Variants in SCD5 observed in about 807,000 individuals in gnomAD.
SCD5 encodes stearoyl-CoA desaturase 5.
SCD5 carries 20 observed loss-of-function variants against 30.4 expected under a neutral mutation model. The observed-to-expected ratio is 0.66, with a 90% CI of 0.46 to 0.96. The LOEUF (loss-of-function observed/expected upper bound fraction) is 0.96, where lower values mean the gene tolerates loss of function less well. SCD5 is among the 40% of genes least tolerant of loss of function. The probability of loss-of-function intolerance (pLI) is 0.00; values close to 1 mark genes in which losing one functional copy is unlikely to be tolerated. For missense variants in SCD5, 381 were observed against 443.3 expected (o/e 0.86, Z 1.26); for synonymous variants, 173 against 176.4 (o/e 0.98, Z 0.16).
chr4:82,779,840 C>G (rs1017199530), intron 1 of SCD5, among the ~76,000 whole-genome samples: 9 of 152,346 alleles, frequency 5.9e-5, no homozygotes, highest in Admixed American at 2.6e-4. Context: ...TGCATTTGCA[C>G]TACAATAATG....
chr4:82,730,654 T>C (rs778961930), intron 1 of SCD5, among the ~76,000 whole-genome samples: 213 of 149,610 alleles, frequency 1.4e-3, no homozygotes, highest in African/African-American at 3.7e-3. Context: ...GGCGGGATCT[T>C]GGCTCACTGC....
At chr4:82,640,414 T>C (rs1173423624) in intron 3 of SCD5, among the ~76,000 whole-genome samples, 1 of 152,208 alleles carries the variant, frequency 6.6e-6, no homozygotes, top group Non-Finnish European at 1.5e-5. Flanking sequence ...ACTGTCCTCA[T>C]TCCAATGATG....
intron 1 of SCD5, among the ~76,000 whole-genome samples, chr4:82,789,407 T>C (rs1463042285): frequency 1.3e-5 from 2 of 152,170 alleles, no homozygotes; most frequent in Non-Finnish European, 2.9e-5. Flanking sequence ...GGTCAGCCTG[T>C]GGTTGAACTT....
At chr4:82,761,658 C>T (rs188612212) in intron 1 of SCD5, among the ~76,000 whole-genome samples, 1 of 152,064 alleles carries the variant, frequency 6.6e-6, no homozygotes, top group Admixed American at 6.5e-5. Flanking sequence ...TATACATGTG[C>T]CATGCTGGTG....
At position 82,699,172 on chromosome 4, in the gene SCD5, C is replaced by T. The variant is rs1451005587; in HGVS notation, c.363+6111G>A. Among the ~76,000 whole-genome samples the T allele has an allele frequency of 2.0e-5, 3 of 152,118 alleles. No individual in the cohort carries two copies. The East Asian group carries it at 5.8e-4, about 29-fold the overall frequency. On this transcript the variant is annotated intron_variant, in intron 2 of 4. Coordinates refer to ENST00000319540, the MANE Select transcript of SCD5 (RefSeq NM_001037582.3). ...CTGCCATCTATGGAAAAATTGCCTTCCATGAAACTGGTCCCTAGTGCCATA... is the reference window on the plus strand; with the variant it reads ...CTGCCATCTATGGAAAAATTGCCTTTCATGAAACTGGTCCCTAGTGCCATA...
At chr4:82,684,224 C>T (rs1365095535) in intron 2 of SCD5, among the ~76,000 whole-genome samples, 1 of 152,190 alleles carries the variant, frequency 6.6e-6, no homozygotes, top group African/African-American at 2.4e-5. Flanking sequence ...GAATGAAGCA[C>T]ATTCCAAATA....
intron 1 of SCD5, among the ~76,000 whole-genome samples, chr4:82,728,127 TA>T (rs1403752842): frequency 6.6e-6 from 1 of 151,932 alleles, no homozygotes; most frequent in Non-Finnish European, 1.5e-5. Flanking sequence ...TCTCTAAAAA[TA>T]ATAATAATAA....
At chr4:82,796,806 G>A (rs1237845560) in intron 1 of SCD5, among the ~76,000 whole-genome samples, 2 of 152,180 alleles carry the variant, frequency 1.3e-5, no homozygotes, top group African/African-American at 4.8e-5. Flanking sequence ...GGCAGTGTCG[G>A]AGTGTGTTGA....
In SCD5 at chr4:82,737,260, G is replaced by A. The variant is rs150974864; in HGVS notation, c.233-31847C>T. ...TTCTTATAATTACTAAGGAGGCTGA[G>A]TCCTCTTCCAAGGATTTGTTTTCTA... On this transcript the variant is annotated intron_variant, in intron 1 of 4. Coordinates refer to ENST00000319540, the MANE Select transcript of SCD5 (RefSeq NM_001037582.3). Among the ~76,000 whole-genome samples the A allele has an allele frequency of 2.8e-3, 429 of 152,314 alleles. 2 individuals are homozygous for A. The highest frequency in any genetic ancestry group is 9.9e-3 in the African/African-American group (410 of 41,556).
intron 3 of SCD5, among the ~76,000 whole-genome samples, chr4:82,651,803 C>T (rs1727761074): frequency 6.6e-6 from 1 of 152,104 alleles, no homozygotes; most frequent in Non-Finnish European, 1.5e-5. Context: ...GTCCTAGCTA[C>T]TTGGGAGGCT....
chr4:82,638,751 A>G (rs1727482276), intron 3 of SCD5, among the ~76,000 whole-genome samples: 1 of 152,228 alleles, frequency 6.6e-6, no homozygotes, highest in Non-Finnish European at 1.5e-5. Context: ...GAGTGTCTTG[A>G]GAAGTACCCA....
intron 1 of SCD5, among the ~76,000 whole-genome samples, chr4:82,745,961 C>T (rs1472310871): frequency 6.6e-6 from 1 of 152,086 alleles, no homozygotes; most frequent in Non-Finnish European, 1.5e-5. Context: ...TCTTTGTTTG[C>T]AAAATGGCAA....
At chr4:82,753,559 TAG>T (rs1489245353) in intron 1 of SCD5, 3 of 406,934 alleles carry the variant, frequency 7.4e-6, no homozygotes, top group African/African-American at 6.1e-5. Flanking sequence ...GGTTTCAGGT[TAG>T]AATGTTCATA....
chr4:82,761,179 G>C (rs1721355859), intron 1 of SCD5, among the ~76,000 whole-genome samples: 1 of 152,166 alleles, frequency 6.6e-6, no homozygotes, highest in African/African-American at 2.4e-5. Context: ...CAGGAAGAAA[G>C]GTACCAAAGC....
At chr4:82,762,899 A>T (rs1353953616) in intron 1 of SCD5, among the ~76,000 whole-genome samples, 3 of 152,216 alleles carry the variant, frequency 2.0e-5, no homozygotes, top group South Asian at 4.1e-4. Context: ...GTGGACACAG[A>T]TTTCCTTCCT....
intron 1 of SCD5, among the ~76,000 whole-genome samples, chr4:82,766,044 T>A (rs1243875123): frequency 1.3e-5 from 2 of 152,256 alleles, no homozygotes; most frequent in African/African-American, 4.8e-5. Flanking sequence ...ATCACTGGCT[T>A]TAAGCAATTT....
intron 3 of SCD5, among the ~76,000 whole-genome samples, chr4:82,645,252 TGCA>T: frequency 6.6e-6 from 1 of 150,696 alleles, no homozygotes; most frequent in Admixed American, 6.6e-5. Flanking sequence ...AGGTGGAGAT[TGCA>T]GTGAGCCGAG....
chr4:82,734,715 G>A (rs1440098026), intron 1 of SCD5, among the ~76,000 whole-genome samples: 1 of 151,418 alleles, frequency 6.6e-6, no homozygotes, highest in Non-Finnish European at 1.5e-5. Flanking sequence ...TTGTTGCTTG[G>A]GCTTTTTTTT....
At chr4:82,692,933 A>T (rs1876217) in intron 2 of SCD5, among the ~76,000 whole-genome samples, 149 of 152,238 alleles carry the variant, frequency 9.8e-4, no homozygotes, top group African/African-American at 3.2e-3. Context: ...AGGATCCACG[A>T]GCCAGGGGGA....
Sources: gnomAD v4.1 joint callset for allele counts (sites outside exome capture counted in the v4.1 genomes callset) on GRCh38, gnomAD v4.1.1 for gene constraint, MANE v1.5 for transcripts, NCBI Gene and HGNC (gene_info 2026-07-23, HGNC 2026-07-21) for gene names.